TBX5: variants seen among roughly 807,000 people sequenced by gnomAD.
The protein encoded by TBX5 is T-box transcription factor TBX5.
A neutral mutation model predicts 51.1 loss-of-function variants in TBX5; 8 were observed. The ratio of observed to expected loss-of-function variants is 0.16; its 90% CI spans 0.09 to 0.28. The LOEUF (loss-of-function observed/expected upper bound fraction) is 0.28. Ranked by LOEUF, TBX5 falls within the 10% of genes least tolerant of loss-of-function variation. The pLI is 1.00. For synonymous variants in TBX5, 302 were observed against 266.4 expected (o/e 1.13, Z -1.30); for missense variants, 589 against 671.7 (o/e 0.88, Z 1.36).
At chr12:114,398,496 G>A in intron 5 of TBX5, 77 bp downstream of exon 5, 1 of 1,561,872 alleles carries the variant, frequency 6.4e-7, no homozygotes, top group Non-Finnish European at 8.7e-7. Flanking sequence ...GAGCCAAGAA[G>A]GGAGAGAAAC....
upstream of TBX5, chr12:114,408,135 T>C (rs1260250813): frequency 2.0e-6 from 2 of 985,294 alleles, no homozygotes; most frequent in Non-Finnish European, 2.4e-6. Context: ...CCGCGCGCTG[T>C]CACGTTTGGC....
intron 6 of TBX5, among the ~76,000 whole-genome samples, chr12:114,389,295 A>C (rs1294509717): frequency 6.6e-6 from 1 of 152,164 alleles, no homozygotes; most frequent in Admixed American, 6.5e-5. Flanking sequence ...AAGTCATCTT[A>C]AGATGTGTAC....
intron 5 of TBX5, among the ~76,000 whole-genome samples, chr12:114,396,781 G>T (rs1411638484): frequency 6.6e-6 from 1 of 152,192 alleles, no homozygotes; most frequent in East Asian, 1.9e-4. Context: ...TTTCCCTGGT[G>T]CTGGTAAGGC....
At position 114,399,499 on chromosome 12, in the gene TBX5, A is replaced by T. The variant is rs1329178912; in HGVS notation, c.362+14T>A. ...TTTCTCTCTCCCCGCTCCACCTGCC[A>T]CCCCAGTGCCTACCATTTATTATCT... On this transcript the variant is annotated intron_variant, in intron 4 of 8. Transcript: ENST00000405440. The T allele has an allele frequency of 6.2e-7, 1 of 1,613,552 alleles. No individual in the cohort carries two copies. Among genetic ancestry groups the T allele is most frequent in the Admixed American group, 1.7e-5 (1 of 59,986 alleles).
intron 7 of TBX5, among the ~76,000 whole-genome samples, chr12:114,376,959 G>A (rs1870226669): frequency 6.6e-6 from 1 of 152,018 alleles, no homozygotes; most frequent in Admixed American, 6.6e-5. Context: ...TGGGTTCTGA[G>A]CATCCATGCC....
chr12:114,401,864 G>A lies in TBX5; in HGVS notation c.204C>T (p.His68=), dbSNP rs375854421. The A allele has an allele frequency of 6.8e-6, 11 of 1,613,860 alleles. No homozygotes were observed. In the African/African-American group the frequency reaches 1.2e-4, roughly 18 times the overall value. Residue 68 remains histidine (H), a synonymous_variant, in exon 3 of 9, where the codon CAC becomes CAT. Coordinates refer to ENST00000405440, the MANE Select transcript of TBX5 (RefSeq NM_181486.4). ...LHERELWLKF[H]EVGTEMIITK... ...TTATGATCATTTCCGTGCCCACTTCGTGGAATTTTAGCCACAGTTCTCTTT... is the reference window on the plus strand; with the variant it reads ...TTATGATCATTTCCGTGCCCACTTCATGGAATTTTAGCCACAGTTCTCTTT...
At chr12:114,387,596 T>C (rs1870887403) in intron 6 of TBX5, among the ~76,000 whole-genome samples, 1 of 152,094 alleles carries the variant, frequency 6.6e-6, no homozygotes, top group Non-Finnish European at 1.5e-5. Flanking sequence ...GTACACATCA[T>C]TATGTATTTG....
chr12:114,404,178 G>A (rs1459964671), intron 1 of TBX5, among the ~76,000 whole-genome samples: 2 of 152,100 alleles, frequency 1.3e-5, no homozygotes, highest in Admixed American at 6.6e-5. Flanking sequence ...AAAGACCCGC[G>A]TCAGACCCGG....
At chr12:114,401,367 C>G (rs751781930) in intron 3 of TBX5, among the ~76,000 whole-genome samples, 5 of 152,170 alleles carry the variant, frequency 3.3e-5, no homozygotes, top group African/African-American at 4.8e-5. Flanking sequence ...CCTGGAGCCA[C>G]TCCAAGGTCA....
At chr12:114,365,209 GAA>G (rs200044998) in intron 8 of TBX5, among the ~76,000 whole-genome samples, 54 of 135,996 alleles carry the variant, frequency 4.0e-4, no homozygotes, top group African/African-American at 1.2e-3. Flanking sequence ...TTTTGATCAG[GAA>G]AAAAAAAAAA....
chr12:114,403,287 G>A (rs1392638616), intron 2 of TBX5, among the ~76,000 whole-genome samples: 1 of 152,256 alleles, frequency 6.6e-6, no homozygotes, highest in East Asian at 1.9e-4. Flanking sequence ...GAGGAGGCAG[G>A]AGGAGGCGGG....
chr12:114,403,419 G>A (rs1297376787), intron 2 of TBX5, among the ~76,000 whole-genome samples: 2 of 152,216 alleles, frequency 1.3e-5, no homozygotes, highest in African/African-American at 4.8e-5. Context: ...TAGTGCAGAG[G>A]GAAAGGAATT....
upstream of TBX5, among the ~76,000 whole-genome samples, chr12:114,407,514 T>A (rs1659231437): frequency 6.6e-6 from 1 of 152,182 alleles, no homozygotes. Flanking sequence ...TTCCCATAAA[T>A]AATCTTCAGG....
chr12:114,394,658 A>C, intron 6 of TBX5, 83 bp downstream of exon 6: 1 of 1,593,680 alleles, frequency 6.3e-7, no homozygotes, highest in Non-Finnish European at 8.6e-7. Context: ...AGAGGAGCAA[A>C]GTTCCAGCAG....
At chr12:114,390,429 C>T (rs907160438) in intron 6 of TBX5, among the ~76,000 whole-genome samples, 3 of 152,210 alleles carry the variant, frequency 2.0e-5, no homozygotes, top group Admixed American at 1.3e-4. Context: ...AACATAAAAC[C>T]GGATATCCGG....
chr12:114,355,225 A>G lies in TBX5; in HGVS notation c.*307T>C, dbSNP rs1868807249. On this transcript the variant is annotated 3_prime_UTR_variant, in exon 9 of 9. Coordinates refer to ENST00000405440, the MANE Select transcript of TBX5 (RefSeq NM_181486.4). ...AGAGCCCAAAAGAAGGAATGGGGGA[A>G]GAGATCTGGGGAGTAGCGTGAATGT... The G allele has an allele frequency of 7.0e-6, 3 of 426,230 alleles. No individual in the cohort carries two copies. The highest frequency in any genetic ancestry group is 1.3e-5 in the Non-Finnish European group (3 of 227,010). 26.4% of individuals were successfully genotyped at this position (426,230 alleles called of 1,614,324 possible). A position where few individuals can be genotyped will look rare whatever the true frequency, so the allele number is the denominator to read the frequency against.
At chr12:114,392,342 G>A (rs575119382) in intron 6 of TBX5, among the ~76,000 whole-genome samples, 1 of 152,166 alleles carries the variant, frequency 6.6e-6, no homozygotes. Flanking sequence ...AGTTTCACAG[G>A]TATACATATA....
intron 7 of TBX5, among the ~76,000 whole-genome samples, chr12:114,370,231 C>CAGAAA (rs71447929): frequency 0.026 from 2,011 of 77,480 alleles, 36 homozygotes; most frequent in Admixed American, 0.031. Flanking sequence ...AACTCTGTCT[C>CAGAAA]AGAAAAGAAA....
intron 7 of TBX5, among the ~76,000 whole-genome samples, chr12:114,370,055 G>C (rs978097669): frequency 6.6e-6 from 1 of 151,998 alleles, no homozygotes; most frequent in African/African-American, 2.4e-5. Context: ...AGGAGTTCAA[G>C]ACCAGTCTGG....
Sources: gnomAD v4.1 joint callset for allele counts (sites outside exome capture counted in the v4.1 genomes callset) on GRCh38, gnomAD v4.1.1 for gene constraint, MANE v1.5 for transcripts, NCBI Gene and HGNC (gene_info 2026-07-23, HGNC 2026-07-21) for gene names.